CD109: variants seen among roughly 807,000 people sequenced by gnomAD.
CD109 encodes CD109 antigen.
Under a neutral mutation model 165.8 loss-of-function variants are expected in CD109, and 149 were observed. The ratio of observed to expected loss-of-function variants is 0.90; its 90% CI spans 0.79 to 1.03. CD109 has a LOEUF of 1.03. Ranked by LOEUF, CD109 falls within the 50% of genes least tolerant of loss-of-function variation. The probability of loss-of-function intolerance (pLI) is 0.00; values close to 1 mark genes in which losing one functional copy is unlikely to be tolerated. For synonymous variants in CD109, 585 were observed against 592.1 expected (o/e 0.99, Z 0.18); for missense variants, 1,712 against 1,677.8 (o/e 1.02, Z -0.36).
chr6:73,710,626 C>T (rs1166221573), intron 2 of CD109, among the ~76,000 whole-genome samples: 3 of 152,066 alleles, frequency 2.0e-5, no homozygotes, highest in Non-Finnish European at 4.4e-5. Flanking sequence ...TGGTGTTTCT[C>T]AGTATCAGAT....
intron 2 of CD109, among the ~76,000 whole-genome samples, chr6:73,697,943 G>T (rs1164890660): frequency 6.6e-6 from 1 of 152,212 alleles, no homozygotes; most frequent in Non-Finnish European, 1.5e-5. Context: ...AGGCAAGGGA[G>T]GCTGGGAAGT....
At chr6:73,753,926 C>T (rs1406507664) in intron 5 of CD109, among the ~76,000 whole-genome samples, 2 of 152,192 alleles carry the variant, frequency 1.3e-5, no homozygotes, top group East Asian at 3.8e-4. Flanking sequence ...GTTTATTCAA[C>T]AAACGTTGAA....
intron 4 of CD109, among the ~76,000 whole-genome samples, chr6:73,731,881 C>A (rs1437538804): frequency 1.3e-5 from 2 of 152,172 alleles, no homozygotes; most frequent in Admixed American, 6.5e-5. Flanking sequence ...GCTCACTAAA[C>A]GTTAGCCATT....
chr6:73,736,340 A>G (rs372383018), intron 4 of CD109, 43 bp from the exon 5 acceptor site: 29 of 1,605,572 alleles, frequency 1.8e-5, no homozygotes, highest in Middle Eastern at 1.7e-4. Flanking sequence ...ACACATGCAC[A>G]TGGGCAGCCT....
intron 7 of CD109, 55 bp downstream of exon 7, chr6:73,759,083 C>A: frequency 8.7e-7 from 1 of 1,149,320 alleles, no homozygotes; most frequent in Non-Finnish European, 1.3e-6. Flanking sequence ...ACTGTGTGAC[C>A]AAAAGCTGAT....
At chr6:73,745,619 A>G (rs1772956327) in intron 5 of CD109, among the ~76,000 whole-genome samples, 1 of 152,210 alleles carries the variant, frequency 6.6e-6, no homozygotes, top group South Asian at 2.1e-4. Flanking sequence ...TCCAGCATGT[A>G]GGTTACTTGG....
intron 2 of CD109, among the ~76,000 whole-genome samples, chr6:73,720,541 A>G (rs981285437): frequency 3.3e-5 from 5 of 152,218 alleles, no homozygotes; most frequent in Admixed American, 1.3e-4. Flanking sequence ...GGTAAGGCAC[A>G]TGTTAAATAG....
At chr6:73,740,533 G>T (rs1326568180) in intron 5 of CD109, among the ~76,000 whole-genome samples, 1 of 150,448 alleles carries the variant, frequency 6.6e-6, no homozygotes, top group Non-Finnish European at 1.5e-5. Context: ...CACCTTCAAG[G>T]TTTTTTATGA....
At chr6:73,728,666 C>T (rs1772230546) in intron 3 of CD109, among the ~76,000 whole-genome samples, 1 of 152,184 alleles carries the variant, frequency 6.6e-6, no homozygotes, top group South Asian at 2.1e-4. Flanking sequence ...TGGTTTCTTG[C>T]ACTTTCTTCA....
chr6:73,682,483 G>T, the CD109 span, among the ~76,000 whole-genome samples: 1 of 152,196 alleles, frequency 6.6e-6, no homozygotes, highest in Non-Finnish European at 1.5e-5. Context: ...GGCTTTGCAG[G>T]GTACAGCCTT....
Position 73,763,629 on chromosome 6 carries a change from A to G in CD109, c.1051A>G (p.Ile351Val). The G allele has an allele frequency of 6.3e-7, 1 of 1,597,366 alleles. No individual in the cohort carries two copies. The highest frequency in any genetic ancestry group is 1.1e-5 in the South Asian group (1 of 86,994). ...NVFFKQHDYI[I>V]EFFDYTTVLK... ...GTTCTTCAAGCAACATGATTACATC[A>G]TTGAGTTTTTTGATTATACTACTGT... The change falls in exon 10 of 33, where the codon ATT (isoleucine) becomes GTT (valine). Residue 351 changes from isoleucine (I) to valine (V), a missense_variant. Coordinates refer to ENST00000287097, the MANE Select transcript of CD109 (RefSeq NM_133493.5).
In CD109 at chr6:73,824,300, T is replaced by C. The variant is rs373019103; in HGVS notation, c.*667T>C. On this transcript the variant is annotated 3_prime_UTR_variant, in exon 33 of 33. Coordinates refer to ENST00000287097, the MANE Select transcript of CD109 (RefSeq NM_133493.5). Reference sequence around the variant, plus strand: ...AGGGGCAGTACATTTACTGTGCTTTTCACACCATCTCAGAGGTTGAGGAGC... The same window carrying C: ...AGGGGCAGTACATTTACTGTGCTTTCCACACCATCTCAGAGGTTGAGGAGC... 6.6e-6 allele frequency: 1 copy of C among 152,298 alleles called. No individual in the cohort carries two copies. Among genetic ancestry groups the C allele is most frequent in the African/African-American group, 2.4e-5 (1 of 41,550 alleles). The allele number at this position is 152,298 out of a possible 1,614,324, so 9.4% of individuals were successfully genotyped here. A position where few individuals can be genotyped will look rare whatever the true frequency, so the allele number is the denominator to read the frequency against.
At chr6:73,772,301 C>T (rs139876305) in intron 15 of CD109, among the ~76,000 whole-genome samples, 1 of 151,830 alleles carries the variant, frequency 6.6e-6, no homozygotes, top group Admixed American at 6.6e-5. Context: ...GTCAGGAGAT[C>T]GAGACCATCT....
intron 15 of CD109, 72 bp from the exon 16 acceptor site, chr6:73,780,352 C>G (rs1774437352): frequency 3.3e-6 from 3 of 903,954 alleles, no homozygotes; most frequent in Non-Finnish European, 3.7e-6. Context: ...TAAGTCTTAT[C>G]TAAGTTACTT....
chr6:73,828,231 ATGT>A lies in CD109; in HGVS notation c.*4600_*4602del, dbSNP rs1776329053. On this transcript the variant is annotated 3_prime_UTR_variant, in exon 33 of 33. Coordinates refer to ENST00000287097, the MANE Select transcript of CD109 (RefSeq NM_133493.5). The stretch of plus-strand genomic sequence containing the variant: ...GAAAGTTTTAATTTTTAATGTTGTA[ATGT>A]TATGTTATTGTTAATTGTACTTTAT... 6.5e-6 allele frequency: 1 copy of A among 154,552 alleles called. No individual in the cohort carries two copies. The highest frequency in any genetic ancestry group is 1.5e-5 in the Non-Finnish European group (1 of 68,210). The allele number at this position is 154,552 out of a possible 1,614,324, so 9.6% of individuals were successfully genotyped here. A position where few individuals can be genotyped will look rare whatever the true frequency, so the allele number is the denominator to read the frequency against.
chr6:73,764,540 C>T (rs979687699), intron 10 of CD109, among the ~76,000 whole-genome samples: 2 of 152,174 alleles, frequency 1.3e-5, no homozygotes, highest in Non-Finnish European at 2.9e-5. Context: ...TCAGGCCTGG[C>T]GTGGTGGCTC....
chr6:73,721,496 C>G (rs1771946818), intron 2 of CD109, among the ~76,000 whole-genome samples: 2 of 151,552 alleles, frequency 1.3e-5, no homozygotes, highest in Non-Finnish European at 2.9e-5. Context: ...TCCCGAGTAG[C>G]TAGGACTACA....
intron 4 of CD109, among the ~76,000 whole-genome samples, chr6:73,735,722 G>A (rs927903721): frequency 1.3e-5 from 2 of 152,166 alleles, no homozygotes; most frequent in African/African-American, 4.8e-5. Flanking sequence ...ATTTCATCAT[G>A]CACTGGTGCT....
rs532566263 is a variant in CD109 at position 73,790,447 on chromosome 6, C to G, written c.2701+1835C>G. Among the ~76,000 whole-genome samples, 4 of 152,254 alleles carry G rather than the reference C, an allele frequency of 2.6e-5. No homozygotes were observed. In the East Asian group the frequency reaches 7.7e-4, roughly 29 times the overall value. ...TGTCTACACAAATGGTGTTATTAAT[C>G]AGGGTTCTCCAGAGAAACAGAACCA... On this transcript the variant is annotated intron_variant, in intron 22 of 32. Transcript: ENST00000287097.
Sources: allele counts gnomAD v4.1 joint callset (sites outside exome capture counted in the v4.1 genomes callset), GRCh38; gene constraint gnomAD v4.1.1; transcripts MANE v1.5; gene names NCBI Gene and HGNC (gene_info 2026-07-23, HGNC 2026-07-21).